Variants in MSH5 observed in about 807,000 individuals in gnomAD.
MSH5 encodes the protein mutS protein homolog 5.
A neutral mutation model predicts 107.7 loss-of-function variants in MSH5; 78 were observed. The observed-to-expected ratio is 0.72, with a 90% CI of 0.60 to 0.87. The LOEUF (loss-of-function observed/expected upper bound fraction) is 0.87, where lower values mean the gene tolerates loss of function less well. Among genes scored for constraint, MSH5 ranks in the 40% least tolerant of loss-of-function variants. The probability of loss-of-function intolerance (pLI) is 0.00; values close to 1 mark genes in which losing one functional copy is unlikely to be tolerated. For synonymous variants in MSH5, 326 were observed against 399.5 expected, an observed-to-expected ratio of 0.82 and a Z score of 2.19; for missense variants, 889 against 1,046.6, an observed-to-expected ratio of 0.85 and a Z score of 2.08.
chr6:31,762,404 T>C lies in MSH5; in HGVS notation c.2394-16T>C, dbSNP rs777802322. The C allele has an allele frequency of 1.9e-6, 3 of 1,594,984 alleles. No homozygotes were observed. The highest frequency in any genetic ancestry group is 2.6e-6 in the Non-Finnish European group (3 of 1,162,738). On this transcript the variant is annotated splice_polypyrimidine_tract_variant and intron_variant, in intron 24 of 24. Transcript: ENST00000375750. Reference sequence around the variant, plus strand: ...TCCATTCTGCCATAAATCTTGCGATTTTCTCTCTTCTTCAGTTGCCAGACA... The same window carrying C: ...TCCATTCTGCCATAAATCTTGCGATCTTCTCTCTTCTTCAGTTGCCAGACA...
rs762338344 is a variant in MSH5 at position 31,742,897 on chromosome 6, C to T, written c.292C>T (p.Gln98Ter). The T allele has an allele frequency of 6.2e-7, 1 of 1,613,030 alleles. No homozygotes were observed. The highest frequency in any genetic ancestry group is 8.5e-7 in the Non-Finnish European group (1 of 1,180,016). ...CCAAGTTCTGGATGAGATCAATCCC[C>T]AGTCTGTTGTTACGAGTGCCAAACA... ...LQRVLDEINP[Q>*]SVVTSAKQDE... The change falls in exon 4 of 25, where the codon CAG (glutamine) becomes TAG (stop). Residue 98 changes from glutamine (Q) to a stop codon, truncating the protein, a stop_gained. Coordinates refer to ENST00000375750, the MANE Select transcript of MSH5 (RefSeq NM_172166.4). LOFTEE classifies it high-confidence loss of function.
Position 31,761,132 on chromosome 6 carries a change from C to A in MSH5, c.1963-56C>A. 6.5e-7 allele frequency: 1 copy of A among 1,539,530 alleles called. No individual in the cohort carries two copies. Among genetic ancestry groups the A allele is most frequent in the South Asian group, 1.2e-5 (1 of 86,592 alleles). On this transcript the variant is annotated intron_variant, in intron 20 of 24. Transcript: ENST00000375750. This position sits in a 1 kb window ranked among gnomAD's most constrained non-coding sequence, Gnocchi z 5.3. ...GCTTTATTCACAGGCCAACTGTGGT[C>A]AGTGCGTTACGGGCTTCCAATACTA...
chr6:31,752,713 T>C (rs978389605), intron 10 of MSH5, among the ~76,000 whole-genome samples: 4 of 88,392 alleles, frequency 4.5e-5, no homozygotes, highest in African/African-American at 2.4e-4. Flanking sequence ...AGCGAGACTC[T>C]GTCTCAAAAA....
chr6:31,758,735 T>C lies in MSH5; in HGVS notation c.1217-31T>C. On this transcript the variant is annotated intron_variant, in intron 14 of 24. Transcript: ENST00000375750. The surrounding 1 kb of genome is among the most constrained non-coding windows in gnomAD (Gnocchi z 5.1). ...TAGCAACCAGGGCAGGAGACTCACT[T>C]TTGATAACCACGTGTCTTCCACCCT... is the stretch of plus-strand genomic sequence containing the variant. The C allele has an allele frequency of 1.2e-6, 2 of 1,612,140 alleles. No homozygotes were observed. Among genetic ancestry groups the C allele is most frequent in the South Asian group, 2.2e-5 (2 of 91,048 alleles).
Position 31,759,634 on chromosome 6 carries a change from G to A in MSH5, c.1495+122G>A, listed in dbSNP as rs1244529461. 4.5e-6 allele frequency: 6 copies of A among 1,347,046 alleles called. No individual in the cohort carries two copies. In the African/African-American group the frequency reaches 8.7e-5, roughly 19 times the overall value. 83.4% of individuals were successfully genotyped at this position (1,347,046 alleles called of 1,614,324 possible). A position where few individuals can be genotyped will look rare whatever the true frequency, so the allele number is the denominator to read the frequency against. On this transcript the variant is annotated intron_variant, in intron 17 of 24. Coordinates refer to ENST00000375750, the MANE Select transcript of MSH5 (RefSeq NM_172166.4). The surrounding 1 kb of genome is among the most constrained non-coding windows in gnomAD (Gnocchi z 4.7). The stretch of plus-strand genomic sequence containing the variant: ...CAGGCCCCTCCTCTTCCTGCTCTCT[G>A]TCTCGCTCACTCTGACTCTATCTTT...
At position 31,761,623 on chromosome 6, in the gene MSH5, G is replaced by A; in HGVS notation, c.2181+8G>A. ...CCCCTGGTGCAGTATTTGGTGAGGA[G>A]ACCAATCTAGCTCCTCGGGGACCCC... On this transcript the variant is annotated splice_region_variant and intron_variant, in intron 22 of 24. Transcript: ENST00000375750. The surrounding 1 kb of genome is among the most constrained non-coding windows in gnomAD (Gnocchi z 5.3). The A allele has an allele frequency of 6.2e-7, 1 of 1,614,110 alleles. No homozygotes were observed. Among genetic ancestry groups the A allele is most frequent in the Non-Finnish European group, 8.5e-7 (1 of 1,180,036 alleles).
At chr6:31,746,080 T>TG (rs1809423458) in intron 9 of MSH5, 2 of 116,736 alleles carry the variant, frequency 1.7e-5, no homozygotes, top group Non-Finnish European at 3.3e-5. Context: ...GTGTCCAGTT[T>TG]TGTGTGTGTG....
chr6:31,744,395 T>A, intron 7 of MSH5, 96 bp downstream of exon 7: 1 of 1,562,640 alleles, frequency 6.4e-7, no homozygotes, highest in Non-Finnish European at 8.8e-7. Context: ...TGTGACCCAG[T>A]GGGTCAAGTG....
chr6:31,750,133 A>G (rs1809816270), intron 10 of MSH5, among the ~76,000 whole-genome samples: 1 of 152,254 alleles, frequency 6.6e-6, no homozygotes. Context: ...AAATGGAATC[A>G]GACAGGGCAT....
chr6:31,761,159 C>A lies in MSH5; in HGVS notation c.1963-29C>A. 6.2e-7 allele frequency: 1 copy of A among 1,609,254 alleles called. No homozygotes were observed. Among genetic ancestry groups the A allele is most frequent in the South Asian group, 1.1e-5 (1 of 90,244 alleles). ...GTGCGTTACGGGCTTCCAATACTAA[C>A]TTTCCCTTGTCCACCTTATACCCAG... On this transcript the variant is annotated intron_variant, in intron 20 of 24. Transcript: ENST00000375750. This position sits in a 1 kb window ranked among gnomAD's most constrained non-coding sequence, Gnocchi z 5.3.
intron 10 of MSH5, among the ~76,000 whole-genome samples, chr6:31,748,412 G>C (rs934528578): frequency 7.0e-6 from 1 of 142,162 alleles, no homozygotes; most frequent in African/African-American, 2.6e-5. Context: ...ACAATGGCAC[G>C]ATCTCTGCTC....
Position 31,745,328 on chromosome 6 carries a change from G to A in MSH5, c.766+9G>A. 1 of 1,598,402 alleles carries A rather than the reference G, an allele frequency of 6.3e-7. No homozygotes were observed. The highest frequency in any genetic ancestry group is 8.6e-7 in the Non-Finnish European group (1 of 1,166,364). ...GGGGCTCAGCCTCTTTGGTAGGTGT[G>A]CCCCATCCCTCATCTCACATTACAA... On this transcript the variant is annotated intron_variant, in intron 9 of 24. Coordinates refer to ENST00000375750, the MANE Select transcript of MSH5 (RefSeq NM_172166.4).
chr6:31,749,380 G>A (rs551190483), intron 10 of MSH5, among the ~76,000 whole-genome samples: 4 of 152,078 alleles, frequency 2.6e-5, no homozygotes, highest in East Asian at 3.9e-4. Flanking sequence ...CACGTCTACC[G>A]AAAATACAAA....
In MSH5 at chr6:31,759,862, C is replaced by T. The variant is rs778445301; in HGVS notation, c.1572C>T (p.Asp524=). ...CAGCTGTCTTAACCCGAGTATTGGACCTTGCCTCCCGCCTGGACGTCCTGC... is the reference window on the plus strand; with the variant it reads ...CAGCTGTCTTAACCCGAGTATTGGATCTTGCCTCCCGCCTGGACGTCCTGC... ...ARAAVLTRVL[D]LASRLDVLLA... is the part of the protein sequence containing the mutation. The change falls in exon 18 of 25, where the codon GAC becomes GAT. Residue 524 remains aspartate (D), a synonymous_variant. Transcript: ENST00000375750. This position sits in a 1 kb window ranked among gnomAD's most constrained non-coding sequence, Gnocchi z 4.7. 2 of 1,614,164 alleles carry T rather than the reference C, an allele frequency of 1.2e-6. No homozygotes were observed. Among genetic ancestry groups the T allele is most frequent in the Non-Finnish European group, 1.7e-6 (2 of 1,180,048 alleles).
chr6:31,747,541 C>A, intron 10 of MSH5, 109 bp downstream of exon 10: 1 of 1,133,966 alleles, frequency 8.8e-7, no homozygotes, highest in Non-Finnish European at 1.3e-6. Context: ...ACCACCCCAC[C>A]TAGTAGTAGT....
intron 4 of MSH5, 73 bp from the exon 5 acceptor site, chr6:31,743,035 G>T (rs181010068): frequency 1.9e-6 from 3 of 1,609,208 alleles, no homozygotes. Flanking sequence ...AGAATTGGGT[G>T]AGAGGGAGTG....
Position 31,753,582 on chromosome 6 carries a change from A to C in MSH5, c.967A>C (p.Met323Leu). Residue 323 changes from methionine (M) to leucine (L), a missense_variant, in exon 12 of 25, where the codon ATG (methionine) becomes CTG (leucine). Transcript: ENST00000375750. Reference sequence around the variant, plus strand: ...CTGACTGTAGCTGATTCTGAAACGCATGAAGTTGTCCCACACCAAGGTCAG... The same window carrying C: ...CTGACTGTAGCTGATTCTGAAACGCCTGAAGTTGTCCCACACCAAGGTCAG... The part of the protein sequence containing the change: ...IKNVPLILKR[M>L]KLSHTKVSDW... 1 of 1,614,166 alleles carries C rather than the reference A, an allele frequency of 6.2e-7. No homozygotes were observed. The highest frequency in any genetic ancestry group is 8.5e-7 in the Non-Finnish European group (1 of 1,180,032).
At chr6:31,741,825 G>A (rs1046161310) in intron 3 of MSH5, among the ~76,000 whole-genome samples, 4 of 151,952 alleles carry the variant, frequency 2.6e-5, no homozygotes, top group African/African-American at 9.7e-5. Context: ...GCTCAAAATT[G>A]GGCATCTTCA....
At position 31,740,337 on chromosome 6, in the gene MSH5, C is replaced by G; in HGVS notation, c.-13-117C>G. The G allele has an allele frequency of 3.6e-6, 4 of 1,106,448 alleles. No homozygotes were observed. Among genetic ancestry groups the G allele is most frequent in the Non-Finnish European group, 5.1e-6 (4 of 788,470 alleles). The allele number at this position is 1,106,448 out of a possible 1,614,324, so 68.5% of individuals were successfully genotyped here. A position where few individuals can be genotyped will look rare whatever the true frequency, so the allele number is the denominator to read the frequency against. On this transcript the variant is annotated intron_variant, in intron 1 of 24. Transcript: ENST00000375750. The surrounding 1 kb of genome is among the most constrained non-coding windows in gnomAD (Gnocchi z 4.4). ...TCCACAGCTCTCCACGCCCCTCAGC[C>G]CTGCCCCGCAGCCCTGTAGCAGAAG...
Sources: gnomAD v4.1 joint callset for allele counts (sites outside exome capture counted in the v4.1 genomes callset) on GRCh38, gnomAD v4.1.1 for gene constraint, Gnocchi (gnomAD v3.1) non-coding constraint, MANE v1.5 for transcripts, NCBI Gene and HGNC (gene_info 2026-07-23, HGNC 2026-07-21) for gene names.